Variants in FAM83A observed in about 807,000 individuals in gnomAD.
The protein encoded by FAM83A is protein FAM83A.
A neutral mutation model predicts 24.4 loss-of-function variants in FAM83A; 21 were observed. The observed-to-expected ratio is 0.86, with a 90% CI of 0.61 to 1.24. The LOEUF (loss-of-function observed/expected upper bound fraction) is 1.24. Ranked by LOEUF, FAM83A falls within the 50% of genes most tolerant of loss-of-function variation. The pLI is 0.00. For synonymous variants in FAM83A, 270 were observed against 252.4 expected, an observed-to-expected ratio of 1.07 and a Z score of -0.66; for missense variants, 617 against 579.8, an observed-to-expected ratio of 1.06 and a Z score of -0.66.
chr8:123,205,409 G>A (rs1348334395), intron 3 of FAM83A, among the ~76,000 whole-genome samples: 1 of 152,224 alleles, frequency 6.6e-6, no homozygotes, highest in Non-Finnish European at 1.5e-5. Context: ...CGGGGCTGGC[G>A]CTTGGCTCGG....
At chr8:123,200,964 A>T (rs918584055) in intron 3 of FAM83A, among the ~76,000 whole-genome samples, 7,476 of 145,884 alleles carry the variant, frequency 0.051, 668 homozygotes, top group African/African-American at 0.18. Flanking sequence ...AAACAAAAAA[A>T]AAAAATATAT....
chr8:123,190,388 A>G (rs1263660403), intron 1 of FAM83A, among the ~76,000 whole-genome samples: 2 of 151,388 alleles, frequency 1.3e-5, no homozygotes, highest in South Asian at 2.1e-4. Context: ...CAGCCTCCCC[A>G]GTAGCTGGGA....
chr8:123,182,215 C>A, upstream of FAM83A: 2 of 428,142 alleles, frequency 4.7e-6, no homozygotes, highest in Non-Finnish European at 9.6e-6. Flanking sequence ...CTTCATAGGG[C>A]AGGGAGGGGT....
chr8:123,197,599 G>C (rs536051413), intron 3 of FAM83A, among the ~76,000 whole-genome samples: 1 of 152,080 alleles, frequency 6.6e-6, no homozygotes, highest in African/African-American at 2.4e-5. Context: ...TCCCCCTTTC[G>C]GCGATTGTGA....
In FAM83A at chr8:123,197,221, G is replaced by A. The variant is rs41352545; in HGVS notation, c.773+3073G>A. 5.7e-3 allele frequency among the ~76,000 whole-genome samples: 860 copies of A among 152,204 alleles called. 4 individuals are homozygous for A. Among genetic ancestry groups the A allele is most frequent in the African/African-American group, 0.017 (713 of 41,528 alleles). ...AAGAATCTCTAAAATATGTCATTCCGTCCTCAAACGTTATAGAATTTGAAG... is the reference window on the plus strand; with the variant it reads ...AAGAATCTCTAAAATATGTCATTCCATCCTCAAACGTTATAGAATTTGAAG... On this transcript the variant is annotated intron_variant, in intron 3 of 3. Transcript: ENST00000690554.
At chr8:123,203,586 C>CAAAAAAAAAAAA (rs1187426797) in intron 3 of FAM83A, among the ~76,000 whole-genome samples, 1 of 41,176 alleles carries the variant, frequency 2.4e-5, no homozygotes, top group African/African-American at 7.1e-5. Flanking sequence ...AGATCTGTCT[C>CAAAAAAAAAAAA]AAAAAAAAAA....
At chr8:123,191,876 G>A (rs778297294) in exon 2 of FAM83A, 12 of 1,614,050 alleles carry the variant, frequency 7.4e-6, no homozygotes, top group East Asian at 6.7e-5. Flanking sequence ...GCCAACAAGC[G>A]TGGGGTGTTC....
upstream of FAM83A, chr8:123,182,345 C>T: frequency 5.6e-6 from 2 of 356,144 alleles, no homozygotes; most frequent in South Asian, 4.1e-5. Context: ...ATCTTTCCCC[C>T]CCACAGGGAA....
exon 1 of FAM83A, chr8:123,183,028 G>A (rs267601759): frequency 6.2e-7 from 1 of 1,608,912 alleles, no homozygotes; most frequent in Non-Finnish European, 8.5e-7. Context: ...CAGCCAGGAA[G>A]GCGAGGTGGA....
exon 4 of FAM83A, chr8:123,207,503 G>A (rs952855558): frequency 6.3e-7 from 1 of 1,576,832 alleles, no homozygotes; most frequent in African/African-American, 1.3e-5. Flanking sequence ...GCCCCACCAA[G>A]GCCCTTGGGG....
In FAM83A at chr8:123,209,154, C is replaced by T; in HGVS notation, c.*1466C>T. ...CAGGTGCCAACTCCACATCCTTCTC[C>T]TGTTTCTAGGCCCTCTCCTCCCTTG... is the stretch of plus-strand genomic sequence containing the variant. On this transcript the variant is annotated 3_prime_UTR_variant, in exon 4 of 4. Transcript: ENST00000690554. This position sits in a 1 kb window ranked among gnomAD's most constrained non-coding sequence, Gnocchi z 4.7. 2.8e-6 allele frequency: 3 copies of T among 1,087,454 alleles called. No individual in the cohort carries two copies. Among genetic ancestry groups the T allele is most frequent in the Non-Finnish European group, 3.3e-6 (3 of 898,022 alleles). 67.4% of individuals were successfully genotyped at this position (1,087,454 alleles called of 1,614,324 possible). A position where few individuals can be genotyped will look rare whatever the true frequency, so the allele number is the denominator to read the frequency against.
At chr8:123,182,602 C>T (rs1823631269), upstream of FAM83A, 2 of 682,602 alleles carry the variant, frequency 2.9e-6, no homozygotes, top group South Asian at 1.5e-5. Flanking sequence ...CTGAGCCAGC[C>T]CTCCCGGCCC....
chr8:123,209,887 C>T lies in FAM83A; in HGVS notation c.*2199C>T, dbSNP rs1331666690. 1 of 274,100 alleles carries T rather than the reference C, an allele frequency of 3.6e-6. No homozygotes were observed. Among genetic ancestry groups the T allele is most frequent in the Middle Eastern group, 1.4e-3 (1 of 736 alleles). 17.0% of individuals were successfully genotyped at this position (274,100 alleles called of 1,614,324 possible). The stretch of plus-strand genomic sequence containing the variant: ...CCCGGCGAGTGGAGCATGAGCAGAA[C>T]CGCCGAGGGTCACTTCTGGGCAGAA... On this transcript the variant is annotated 3_prime_UTR_variant, in exon 4 of 4. Transcript: ENST00000690554. This position sits in a 1 kb window ranked among gnomAD's most constrained non-coding sequence, Gnocchi z 4.7.
At chr8:123,204,258 A>C (rs1308909788) in intron 3 of FAM83A, among the ~76,000 whole-genome samples, 2 of 152,042 alleles carry the variant, frequency 1.3e-5, no homozygotes, top group Non-Finnish European at 2.9e-5. Context: ...GCCCCCAAAA[A>C]AATTTTTTTA....
At chr8:123,198,194 T>TA (rs999382832) in intron 3 of FAM83A, among the ~76,000 whole-genome samples, 8 of 152,202 alleles carry the variant, frequency 5.3e-5, no homozygotes, top group South Asian at 4.1e-4. Context: ...GGATGTTTTT[T>TA]AAAAAAAGTC....
At chr8:123,193,745 C>T (rs1330027978) in intron 2 of FAM83A, among the ~76,000 whole-genome samples, 1 of 152,222 alleles carries the variant, frequency 6.6e-6, no homozygotes, top group Admixed American at 6.5e-5. Flanking sequence ...AAGCCCACTT[C>T]CTGGCTTATA....
At chr8:123,183,608 C>T (rs1394846543) in intron 1 of FAM83A, among the ~76,000 whole-genome samples, 9 of 152,118 alleles carry the variant, frequency 5.9e-5, no homozygotes, top group African/African-American at 2.2e-4. Context: ...CCCAGCGTCA[C>T]AGTCTCCATA....
chr8:123,209,182 G>C lies in FAM83A; in HGVS notation c.*1494G>C. On this transcript the variant is annotated 3_prime_UTR_variant, in exon 4 of 4. Coordinates refer to ENST00000690554, the Ensembl canonical transcript of FAM83A. This position sits in a 1 kb window ranked among gnomAD's most constrained non-coding sequence, Gnocchi z 4.7. ...TTTCTAGGCCCTCTCCTCCCTTGTC[G>C]GTTTTTGGCGGGGAAGCTCAGCCTT... is the stretch of plus-strand genomic sequence containing the variant. 1 of 1,134,786 alleles carries C rather than the reference G, an allele frequency of 8.8e-7. No homozygotes were observed. Among genetic ancestry groups the C allele is most frequent in the East Asian group, 4.7e-5 (1 of 21,204 alleles). 70.3% of individuals were successfully genotyped at this position (1,134,786 alleles called of 1,614,324 possible).
chr8:123,194,825 A>G (rs1337524761), intron 3 of FAM83A, among the ~76,000 whole-genome samples: 1 of 151,994 alleles, frequency 6.6e-6, no homozygotes. Context: ...CAAGCAACCC[A>G]CCAGCCTCAG....
Sources: gnomAD v4.1 joint callset for allele counts (sites outside exome capture counted in the v4.1 genomes callset) on GRCh38, gnomAD v4.1.1 for gene constraint, Gnocchi (gnomAD v3.1) non-coding constraint, MANE v1.5 for transcripts, NCBI Gene and HGNC (gene_info 2026-07-23, HGNC 2026-07-21) for gene names.